Variants in TNFSF4 observed in about 807,000 individuals in gnomAD.
The protein encoded by TNFSF4 is TNF superfamily member 4.
TNFSF4 carries 4 observed loss-of-function variants against 7.3 expected under a neutral mutation model. That is an observed-to-expected ratio of 0.55 (90% CI 0.27 to 1.25). The LOEUF (loss-of-function observed/expected upper bound fraction) is 1.25, where lower values mean the gene tolerates loss of function less well. Among genes scored for constraint, TNFSF4 ranks in the 50% most tolerant of loss-of-function variants. TNFSF4 has a pLI of 0.12. For synonymous variants in TNFSF4, 76 were observed against 83.7 expected, an observed-to-expected ratio of 0.91 and a Z score of 0.50; for missense variants, 181 against 208.8, an observed-to-expected ratio of 0.87 and a Z score of 0.82.
the TNFSF4 span, among the ~76,000 whole-genome samples, chr1:173,313,612 C>T: frequency 6.6e-6 from 1 of 152,028 alleles, no homozygotes; most frequent in East Asian, 1.9e-4. Context: ...GATTTTCTCT[C>T]GGTTTTTCTT....
At chr1:173,423,049 AC>A in the TNFSF4 span, among the ~76,000 whole-genome samples, 2 of 150,704 alleles carry the variant, frequency 1.3e-5, no homozygotes, top group African/African-American at 4.9e-5. Context: ...GCTTACTGCA[AC>A]CTCCGCCTCC....
chr1:173,270,615 C>G, the TNFSF4 span, among the ~76,000 whole-genome samples: 6 of 152,104 alleles, frequency 3.9e-5, no homozygotes. Flanking sequence ...AAGTCAGACA[C>G]TCAGCATGGT....
chr1:173,388,350 C>T, the TNFSF4 span, among the ~76,000 whole-genome samples: 2 of 152,318 alleles, frequency 1.3e-5, no homozygotes, highest in South Asian at 2.1e-4. Context: ...TGTCTATGTA[C>T]TTTGCATGTA....
At chr1:173,264,684 T>C in the TNFSF4 span, among the ~76,000 whole-genome samples, 1 of 152,202 alleles carries the variant, frequency 6.6e-6, no homozygotes, top group Non-Finnish European at 1.5e-5. Context: ...AAAATGTTAA[T>C]ATGCATTCCT....
At chr1:173,279,267 T>G in the TNFSF4 span, among the ~76,000 whole-genome samples, 1 of 152,120 alleles carries the variant, frequency 6.6e-6, no homozygotes, top group Non-Finnish European at 1.5e-5. Flanking sequence ...CTTGTTCACT[T>G]TTCTTTACAG....
At chr1:173,349,815 A>G in the TNFSF4 span, among the ~76,000 whole-genome samples, 2 of 152,222 alleles carry the variant, frequency 1.3e-5, no homozygotes, top group Non-Finnish European at 2.9e-5. Flanking sequence ...AAAATTATAC[A>G]CATGTATAAA....
chr1:173,254,911 T>C, the TNFSF4 span, among the ~76,000 whole-genome samples: 4 of 151,964 alleles, frequency 2.6e-5, no homozygotes, highest in East Asian at 7.7e-4. Flanking sequence ...AGAAGCTAGG[T>C]TTGAAGAACA....
chr1:173,244,735 C>G, the TNFSF4 span, among the ~76,000 whole-genome samples: 1 of 151,248 alleles, frequency 6.6e-6, no homozygotes, highest in African/African-American at 2.4e-5. Flanking sequence ...CCATTATGTT[C>G]ACAGCCGCGC....
At chr1:173,250,236 A>G in the TNFSF4 span, among the ~76,000 whole-genome samples, 1 of 152,316 alleles carries the variant, frequency 6.6e-6, no homozygotes, top group South Asian at 2.1e-4. Flanking sequence ...AAAGGTTTTC[A>G]TTAATTTTAC....
chr1:173,325,555 C>CA, the TNFSF4 span, among the ~76,000 whole-genome samples: 1 of 151,770 alleles, frequency 6.6e-6, no homozygotes, highest in Non-Finnish European at 1.5e-5. Context: ...AAAAACCCTT[C>CA]AAAAAATCAA....
the TNFSF4 span, among the ~76,000 whole-genome samples, chr1:173,265,986 C>T: frequency 1.3e-5 from 2 of 152,126 alleles, no homozygotes; most frequent in Non-Finnish European, 2.9e-5. Context: ...TATATAAGTG[C>T]TTAACCTGAC....
the TNFSF4 span, among the ~76,000 whole-genome samples, chr1:173,378,943 T>A: frequency 5.4e-5 from 8 of 149,212 alleles, no homozygotes; most frequent in South Asian, 4.4e-4. Flanking sequence ...ATTTGGCCCA[T>A]CCCGAGTACA....
chr1:173,374,885 C>T, the TNFSF4 span, among the ~76,000 whole-genome samples: 1 of 152,194 alleles, frequency 6.6e-6, no homozygotes, highest in African/African-American at 2.4e-5. Flanking sequence ...GCTACAGGAA[C>T]TGGAATAGCC....
chr1:173,305,483 A>T, the TNFSF4 span, among the ~76,000 whole-genome samples: 1 of 151,870 alleles, frequency 6.6e-6, no homozygotes. Flanking sequence ...TGGCCCACGT[A>T]TAGTTGTTAG....
intron 1 of TNFSF4, among the ~76,000 whole-genome samples, chr1:173,197,671 C>T (rs952249499): frequency 2.6e-5 from 4 of 152,058 alleles, no homozygotes; most frequent in African/African-American, 7.2e-5. Context: ...ACAACACTGG[C>T]GCCTGTTGCA....
At chr1:173,253,988 G>A in the TNFSF4 span, among the ~76,000 whole-genome samples, 1 of 152,144 alleles carries the variant, frequency 6.6e-6, no homozygotes, top group Non-Finnish European at 1.5e-5. Context: ...ATTGAATTTA[G>A]GGTTATGGTT....
At chr1:173,422,626 TGAGG>T in the TNFSF4 span, among the ~76,000 whole-genome samples, 9 of 152,150 alleles carry the variant, frequency 5.9e-5, no homozygotes, top group Non-Finnish European at 1.5e-5. Flanking sequence ...CTGACCAGGC[TGAGG>T]CTGAGAAGAT....
At chr1:173,261,836 A>T in the TNFSF4 span, among the ~76,000 whole-genome samples, 1 of 148,458 alleles carries the variant, frequency 6.7e-6, no homozygotes, top group South Asian at 2.1e-4. Context: ...GGCAGTAATA[A>T]ATAACCTACC....
At chr1:173,438,477 T>A in the TNFSF4 span, among the ~76,000 whole-genome samples, 1 of 152,178 alleles carries the variant, frequency 6.6e-6, no homozygotes, top group South Asian at 2.1e-4. Flanking sequence ...CCACATATAT[T>A]TATCAGCTGA....
Sources: gnomAD v4.1 joint callset for allele counts (sites outside exome capture counted in the v4.1 genomes callset) on GRCh38, gnomAD v4.1.1 for gene constraint, MANE v1.5 for transcripts, NCBI Gene and HGNC (gene_info 2026-07-23, HGNC 2026-07-21) for gene names.